KCNIP4: variants seen among roughly 807,000 people sequenced by gnomAD.
The protein encoded by KCNIP4 is Kv channel-interacting protein 4.
A neutral mutation model predicts 34.0 loss-of-function variants in KCNIP4; 12 were observed. The ratio of observed to expected loss-of-function variants is 0.35; its 90% CI spans 0.23 to 0.57. The LOEUF is 0.57. KCNIP4 is among the 20% of genes least tolerant of loss of function. The pLI, the probability that KCNIP4 is intolerant of heterozygous loss-of-function variation, is 0.83. For synonymous variants in KCNIP4, 124 were observed against 102.2 expected, an observed-to-expected ratio of 1.21 and a Z score of -1.29; for missense variants, 238 against 311.7, an observed-to-expected ratio of 0.76 and a Z score of 1.78.
chr4:21,067,268 C>G (rs906517425), intron 1 of KCNIP4, among the ~76,000 whole-genome samples: 3 of 152,156 alleles, frequency 2.0e-5, no homozygotes, highest in African/African-American at 4.8e-5. Context: ...CAATACTTGC[C>G]TCTGATCTTG....
chr4:20,918,671 A>G (rs148678683), intron 1 of KCNIP4, among the ~76,000 whole-genome samples: 449 of 152,308 alleles, frequency 2.9e-3, no homozygotes, highest in Non-Finnish European at 4.3e-3. Flanking sequence ...GCCTGCAGCA[A>G]GAGTGGTCTC....
At chr4:21,420,180 C>T (rs1725330452) in intron 1 of KCNIP4, among the ~76,000 whole-genome samples, 1 of 152,162 alleles carries the variant, frequency 6.6e-6, no homozygotes, top group Admixed American at 6.5e-5. Flanking sequence ...ATTAGCATTA[C>T]TAAGGAATGC....
intron 1 of KCNIP4, among the ~76,000 whole-genome samples, chr4:21,818,143 C>G (rs1361258587): frequency 2.0e-5 from 3 of 152,180 alleles, no homozygotes; most frequent in African/African-American, 7.2e-5. Flanking sequence ...TCACCCCCAG[C>G]AGCCCAGCTG....
At chr4:21,820,587 T>G (rs1481719724) in intron 1 of KCNIP4, among the ~76,000 whole-genome samples, 1 of 150,132 alleles carries the variant, frequency 6.7e-6, no homozygotes, top group Non-Finnish European at 1.5e-5. Flanking sequence ...GCTACCTTCC[T>G]CTGCCATTTT....
chr4:21,653,495 G>A (rs577593701), intron 1 of KCNIP4, among the ~76,000 whole-genome samples: 2 of 152,212 alleles, frequency 1.3e-5, no homozygotes, highest in African/African-American at 2.4e-5. Flanking sequence ...GTACATAATC[G>A]TGGGTATACA....
At chr4:21,570,750 A>G (rs1740304746) in intron 1 of KCNIP4, among the ~76,000 whole-genome samples, 1 of 152,152 alleles carries the variant, frequency 6.6e-6, no homozygotes, top group African/African-American at 2.4e-5. Context: ...CATTTTCATC[A>G]TTATCATTGT....
chr4:21,803,756 C>T (rs1005559849), intron 1 of KCNIP4, among the ~76,000 whole-genome samples: 4 of 152,158 alleles, frequency 2.6e-5, no homozygotes, highest in Non-Finnish European at 4.4e-5. Context: ...TACAAACAGG[C>T]AATTCCTGTC....
At chr4:21,471,500 TTTATA>T (rs1237218359) in intron 1 of KCNIP4, among the ~76,000 whole-genome samples, 3 of 152,218 alleles carry the variant, frequency 2.0e-5, no homozygotes, top group Non-Finnish European at 4.4e-5. Flanking sequence ...AATTGAGTAT[TTTATA>T]TATTTTATCA....
intron 1 of KCNIP4, among the ~76,000 whole-genome samples, chr4:21,539,090 C>T (rs894232206): frequency 6.6e-6 from 1 of 152,164 alleles, no homozygotes; most frequent in African/African-American, 2.4e-5. Flanking sequence ...ACTTGCTTCT[C>T]CTTCTGCCAT....
chr4:21,866,046 C>T (rs1725394488), intron 1 of KCNIP4, among the ~76,000 whole-genome samples: 1 of 151,850 alleles, frequency 6.6e-6, no homozygotes, highest in African/African-American at 2.4e-5. Context: ...ATAAATGCAA[C>T]AAGACTAGAA....
chr4:20,868,888 G>A (rs1396060986), intron 2 of KCNIP4, among the ~76,000 whole-genome samples: 2 of 152,016 alleles, frequency 1.3e-5, no homozygotes, highest in Non-Finnish European at 2.9e-5. Context: ...CTGCCAAGGT[G>A]ACAGGATCCT....
intron 1 of KCNIP4, among the ~76,000 whole-genome samples, chr4:21,903,033 A>C (rs1727794986): frequency 6.6e-6 from 1 of 152,150 alleles, no homozygotes; most frequent in African/African-American, 2.4e-5. Flanking sequence ...AACACAACAG[A>C]GCATGGTTAC....
At chr4:21,221,156 T>A (rs1265363347) in intron 1 of KCNIP4, among the ~76,000 whole-genome samples, 2 of 152,152 alleles carry the variant, frequency 1.3e-5, no homozygotes, top group African/African-American at 4.8e-5. Context: ...ATTGTTCAAA[T>A]GTTTCTTTTA....
At chr4:21,379,303 C>T (rs1272136425) in intron 1 of KCNIP4, among the ~76,000 whole-genome samples, 1 of 152,178 alleles carries the variant, frequency 6.6e-6, no homozygotes, top group Non-Finnish European at 1.5e-5. Flanking sequence ...CAGGCTACCA[C>T]TCTGAATTAT....
chr4:20,964,261 T>G (rs935015119), intron 1 of KCNIP4, among the ~76,000 whole-genome samples: 3 of 152,086 alleles, frequency 2.0e-5, no homozygotes, highest in African/African-American at 7.2e-5. Context: ...GAACAAGAAT[T>G]CAAACCCACA....
chr4:20,740,191 C>G (rs1192605045), intron 5 of KCNIP4, among the ~76,000 whole-genome samples: 1 of 152,068 alleles, frequency 6.6e-6, no homozygotes, highest in Non-Finnish European at 1.5e-5. Flanking sequence ...ACTTGCGCAA[C>G]CTAGCAAGTC....
intron 1 of KCNIP4, among the ~76,000 whole-genome samples, chr4:21,247,098 A>G (rs1478541253): frequency 6.6e-6 from 1 of 152,206 alleles, no homozygotes; most frequent in African/African-American, 2.4e-5. Context: ...GAAATGAACA[A>G]GGGAAGTTAT....
chr4:21,247,948 C>T (rs868399065), intron 1 of KCNIP4, among the ~76,000 whole-genome samples: 42 of 115,908 alleles, frequency 3.6e-4, no homozygotes, highest in South Asian at 1.2e-3. Context: ...TATATATATA[C>T]ACACACATAT....
intron 1 of KCNIP4, among the ~76,000 whole-genome samples, chr4:21,757,924 T>A (rs1489235423): frequency 6.6e-6 from 1 of 152,192 alleles, no homozygotes; most frequent in African/African-American, 2.4e-5. Flanking sequence ...TGCGTTGGTG[T>A]GTGACTCCTA....
Sources: gnomAD v4.1 joint callset for allele counts (sites outside exome capture counted in the v4.1 genomes callset) on GRCh38, gnomAD v4.1.1 for gene constraint, MANE v1.5 for transcripts, NCBI Gene and HGNC (gene_info 2026-07-23, HGNC 2026-07-21) for gene names.